SGK1: variants seen among roughly 807,000 people sequenced by gnomAD.
The protein encoded by SGK1 is serum/glucocorticoid regulated kinase 1, also known as serine/threonine-protein kinase Sgk1.
SGK1 carries 26 observed loss-of-function variants against 64.2 expected under a neutral mutation model. The observed-to-expected ratio is 0.40, with a 90% confidence interval of 0.30 to 0.56. SGK1 has a LOEUF of 0.56. Among genes scored for constraint, SGK1 ranks in the 20% least tolerant of loss-of-function variants. SGK1 has a pLI of 0.38. For missense variants in SGK1, 519 were observed against 645.6 expected (o/e 0.80, Z 2.12); for synonymous variants, 265 against 239.7 (o/e 1.11, Z -0.98).
intron 1 of SGK1, among the ~76,000 whole-genome samples, chr6:134,293,633 T>C (rs1777298886): frequency 6.6e-6 from 1 of 152,176 alleles, no homozygotes. Context: ...GGAATCCACA[T>C]TGGTTATCTT....
At chr6:134,175,230 C>G (rs1273970173) in intron 3 of SGK1, among the ~76,000 whole-genome samples, 3 of 152,214 alleles carry the variant, frequency 2.0e-5, no homozygotes, top group African/African-American at 4.8e-5. Context: ...TTCGCAGCGC[C>G]GAAGCGCTTC....
At chr6:134,294,401 C>A (rs979393589) in intron 1 of SGK1, among the ~76,000 whole-genome samples, 2 of 152,176 alleles carry the variant, frequency 1.3e-5, no homozygotes, top group Non-Finnish European at 2.9e-5. Context: ...TCCTCATCCC[C>A]CTTCTTCCCT....
intron 2 of SGK1, among the ~76,000 whole-genome samples, chr6:134,232,274 A>G (rs1165037394): frequency 6.6e-6 from 1 of 151,248 alleles, no homozygotes; most frequent in East Asian, 1.9e-4. Context: ...AATCCCAGCT[A>G]TTCGGGAGGT....
intron 1 of SGK1, among the ~76,000 whole-genome samples, chr6:134,298,853 T>G (rs911456624): frequency 2.0e-5 from 3 of 150,834 alleles, no homozygotes; most frequent in Non-Finnish European, 4.4e-5. Context: ...CAGGCTGGAG[T>G]GCAGTGGCTC....
intron 2 of SGK1, among the ~76,000 whole-genome samples, chr6:134,221,004 T>C (rs1480708975): frequency 2.0e-5 from 3 of 150,762 alleles, no homozygotes; most frequent in African/African-American, 7.3e-5. Flanking sequence ...AAAAATTTTA[T>C]TAAAAAAAGT....
chr6:134,248,721 C>T (rs1776562888), intron 2 of SGK1, among the ~76,000 whole-genome samples: 1 of 152,080 alleles, frequency 6.6e-6, no homozygotes, highest in Admixed American at 6.6e-5. Flanking sequence ...TCATATACAA[C>T]CAATCTCAAC....
intron 1 of SGK1, among the ~76,000 whole-genome samples, chr6:134,290,658 A>G (rs1172680090): frequency 6.6e-6 from 1 of 152,170 alleles, no homozygotes; most frequent in Non-Finnish European, 1.5e-5. Context: ...TGTTCAATAC[A>G]TGGAGCTTCT....
intron 3 of SGK1, chr6:134,178,051 C>T: frequency 3.8e-6 from 2 of 532,736 alleles, no homozygotes; most frequent in South Asian, 5.4e-5. Flanking sequence ...CAAATCAGTC[C>T]GGAAAAAATT....
intron 1 of SGK1, among the ~76,000 whole-genome samples, chr6:134,284,810 AT>A (rs1777156463): frequency 6.6e-6 from 1 of 152,028 alleles, no homozygotes; most frequent in Non-Finnish European, 1.5e-5. Flanking sequence ...TTCCCGAGTT[AT>A]TTCACTTAGA....
intron 3 of SGK1, among the ~76,000 whole-genome samples, chr6:134,186,527 G>T (rs557715585): frequency 6.6e-6 from 1 of 152,326 alleles, no homozygotes; most frequent in East Asian, 1.9e-4. Context: ...ACTCATCACA[G>T]TTGCAGTGCT....
chr6:134,213,693 T>A (rs1264689233), intron 2 of SGK1, among the ~76,000 whole-genome samples: 5 of 151,912 alleles, frequency 3.3e-5, no homozygotes, highest in Admixed American at 2.0e-4. Context: ...TAGCAGGAAG[T>A]TGGAAGCTAA....
chr6:134,251,069 A>C (rs1361669263), intron 2 of SGK1, among the ~76,000 whole-genome samples: 1 of 152,064 alleles, frequency 6.6e-6, no homozygotes, highest in Non-Finnish European at 1.5e-5. Context: ...GAGCCATTGC[A>C]CCCAGCCCTT....
At chr6:134,190,577 C>A (rs1477304646) in intron 3 of SGK1, among the ~76,000 whole-genome samples, 1 of 152,238 alleles carries the variant, frequency 6.6e-6, no homozygotes, top group Admixed American at 6.5e-5. Flanking sequence ...TGAGCCACCA[C>A]GCCAAGCTTC....
At chr6:134,185,552 A>ATAAGTGTGTG (rs1775408529) in intron 3 of SGK1, among the ~76,000 whole-genome samples, 2 of 66,574 alleles carry the variant, frequency 3.0e-5, no homozygotes, top group Admixed American at 1.4e-4. Flanking sequence ...TCATATCTCT[A>ATAAGTGTGTG]TGAGTGTGTG....
chr6:134,311,837 G>A (rs913739305), intron 1 of SGK1, among the ~76,000 whole-genome samples: 5 of 152,132 alleles, frequency 3.3e-5, no homozygotes, highest in African/African-American at 7.2e-5. Context: ...AGTCTCCGCC[G>A]TGTTCCGGGA....
intron 3 of SGK1, among the ~76,000 whole-genome samples, chr6:134,177,003 C>T (rs552465343): frequency 7.2e-5 from 11 of 152,322 alleles, no homozygotes; most frequent in African/African-American, 2.6e-4. Context: ...ATCACGAGGT[C>T]AAGAGATCGA....
At chr6:134,201,355 C>T (rs1209927240) in intron 3 of SGK1, among the ~76,000 whole-genome samples, 2 of 150,734 alleles carry the variant, frequency 1.3e-5, no homozygotes, top group African/African-American at 4.9e-5. Context: ...CCACCACACC[C>T]AGCCTTATTT....
chr6:134,181,101 T>C (rs573433842), intron 3 of SGK1, among the ~76,000 whole-genome samples: 1 of 152,272 alleles, frequency 6.6e-6, no homozygotes, highest in East Asian at 1.9e-4. Context: ...TACGTGGGCA[T>C]CTACTTCCCC....
At chr6:134,304,188 GAA>G (rs1777500469) in intron 1 of SGK1, among the ~76,000 whole-genome samples, 1 of 152,188 alleles carries the variant, frequency 6.6e-6, no homozygotes, top group Non-Finnish European at 1.5e-5. Context: ...TGCAGCCAAG[GAA>G]AGACTCAGCC....
Sources: gnomAD v4.1 joint callset for allele counts (sites outside exome capture counted in the v4.1 genomes callset) on GRCh38, gnomAD v4.1.1 for gene constraint, MANE v1.5 for transcripts, NCBI Gene and HGNC (gene_info 2026-07-23, HGNC 2026-07-21) for gene names.